MBD2: variants seen among roughly 807,000 people sequenced by gnomAD.
The protein encoded by MBD2 is methyl-CpG-binding domain protein 2.
MBD2 carries 9 observed loss-of-function variants against 39.3 expected under a neutral mutation model. The observed-to-expected ratio is 0.23, with a 90% CI of 0.14 to 0.40. The LOEUF (loss-of-function observed/expected upper bound fraction) is 0.40, where lower values mean the gene tolerates loss of function less well. MBD2 is among the 10% of genes least tolerant of loss of function. The pLI, the probability that MBD2 is intolerant of heterozygous loss-of-function variation, is 1.00. For synonymous variants in MBD2, 233 were observed against 211.1 expected (o/e 1.10, Z -0.90); for missense variants, 458 against 532.6 (o/e 0.86, Z 1.38).
At chr18:54,159,419 C>A (rs935765916) in intron 6 of MBD2, among the ~76,000 whole-genome samples, 1 of 151,450 alleles carries the variant, frequency 6.6e-6, no homozygotes, top group African/African-American at 2.4e-5. Context: ...TACAGCGACA[C>A]CTTTTTTTTT....
chr18:54,216,386 G>C (rs903240619), intron 1 of MBD2, among the ~76,000 whole-genome samples: 1 of 152,206 alleles, frequency 6.6e-6, no homozygotes, highest in Non-Finnish European at 1.5e-5. Context: ...TGGATTAATA[G>C]AGAAATGTAT....
Position 54,154,218 on chromosome 18 carries a change from G to A in MBD2, c.*1106C>T, listed in dbSNP as rs151060565. The A allele has an allele frequency of 7.9e-4, 121 of 152,230 alleles. No individual in the cohort carries two copies. The highest frequency in any genetic ancestry group is 1.5e-3 in the African/African-American group (63 of 41,536). The allele number at this position is 152,230 out of a possible 1,614,324, so 9.4% of individuals were successfully genotyped here. On this transcript the variant is annotated 3_prime_UTR_variant, in exon 7 of 7. Transcript: ENST00000256429. ...TAAGTATGTTTTGATTTTAGAAATC[G>A]TTTAATAATGTAATGCTAGTTTTCA... is the stretch of plus-strand genomic sequence containing the variant.
chr18:54,165,612 C>T (rs1568078938), intron 4 of MBD2, among the ~76,000 whole-genome samples: 1 of 152,172 alleles, frequency 6.6e-6, no homozygotes, highest in Non-Finnish European at 1.5e-5. Flanking sequence ...GACCAAAGTG[C>T]ATCTGTTCCC....
chr18:54,157,402 A>G (rs1172710835), intron 6 of MBD2, among the ~76,000 whole-genome samples: 1 of 152,040 alleles, frequency 6.6e-6, no homozygotes, highest in Non-Finnish European at 1.5e-5. Context: ...TTGGGATTAC[A>G]GGTGCCCGCC....
At chr18:54,167,013 A>C (rs2086138483) in intron 3 of MBD2, among the ~76,000 whole-genome samples, 1 of 152,170 alleles carries the variant, frequency 6.6e-6, no homozygotes, top group Non-Finnish European at 1.5e-5. Context: ...CACCCTGCAG[A>C]TGTGACAGTC....
chr18:54,161,877 C>CAA (rs35696367), intron 5 of MBD2, among the ~76,000 whole-genome samples: 151,377 of 152,268 alleles, frequency 0.99, 75,246 homozygotes, highest in Middle Eastern at 1. Context: ...TTGAGTCAAT[C>CAA]GAGAGAGATT....
chr18:54,183,139 G>A (rs566409329), intron 3 of MBD2, among the ~76,000 whole-genome samples: 6 of 152,288 alleles, frequency 3.9e-5, no homozygotes, highest in Admixed American at 3.3e-4. Flanking sequence ...CTTTCACTGA[G>A]ATAAAGCACA....
At chr18:54,183,171 T>C (rs1049115256) in intron 3 of MBD2, among the ~76,000 whole-genome samples, 6 of 152,150 alleles carry the variant, frequency 3.9e-5, no homozygotes, top group Non-Finnish European at 8.8e-5. Context: ...GCAGATTTGA[T>C]TGGATGACAA....
At chr18:54,217,956 A>G (rs1359100658) in intron 1 of MBD2, among the ~76,000 whole-genome samples, 1 of 152,234 alleles carries the variant, frequency 6.6e-6, no homozygotes, top group Non-Finnish European at 1.5e-5. Flanking sequence ...TAAGGAAGAT[A>G]TATCAGAGCA....
At chr18:54,186,633 G>A (rs1042391336) in intron 3 of MBD2, among the ~76,000 whole-genome samples, 1 of 152,082 alleles carries the variant, frequency 6.6e-6, no homozygotes, top group Non-Finnish European at 1.5e-5. Flanking sequence ...TGAGACAGTG[G>A]TCAAATATTA....
At chr18:54,200,089 G>A (rs1320631995) in intron 2 of MBD2, among the ~76,000 whole-genome samples, 1 of 152,158 alleles carries the variant, frequency 6.6e-6, no homozygotes, top group Non-Finnish European at 1.5e-5. Flanking sequence ...GATCATTCAT[G>A]AGAAATAAAT....
intron 3 of MBD2, among the ~76,000 whole-genome samples, chr18:54,166,494 G>A (rs1256608496): frequency 6.6e-6 from 1 of 152,048 alleles, no homozygotes; most frequent in Non-Finnish European, 1.5e-5. Flanking sequence ...GATTCACCTG[G>A]CATGAAATTT....
chr18:54,190,189 T>G (rs746960124), intron 2 of MBD2, among the ~76,000 whole-genome samples: 1 of 152,178 alleles, frequency 6.6e-6, no homozygotes, highest in Non-Finnish European at 1.5e-5. Flanking sequence ...GTTCCTTATT[T>G]TTAATATACA....
intron 3 of MBD2, among the ~76,000 whole-genome samples, chr18:54,183,758 C>G (rs1420247720): frequency 6.6e-6 from 1 of 152,066 alleles, no homozygotes; most frequent in South Asian, 2.1e-4. Flanking sequence ...AAAAGGGGAG[C>G]AGTGAAGTGG....
chr18:54,199,883 TATC>T (rs1249902974), intron 2 of MBD2, among the ~76,000 whole-genome samples: 1 of 152,144 alleles, frequency 6.6e-6, no homozygotes, highest in Non-Finnish European at 1.5e-5. Context: ...ATCTGATTCT[TATC>T]ATCACTACTA....
intron 2 of MBD2, among the ~76,000 whole-genome samples, chr18:54,189,223 CTTTT>C (rs369129707): frequency 2.2e-5 from 3 of 133,940 alleles, no homozygotes; most frequent in African/African-American, 8.3e-5. Context: ...TTTTTGTATA[CTTTT>C]TTTTTTTTTT....
chr18:54,153,968 C>G lies in MBD2; in HGVS notation c.*1356G>C, dbSNP rs2086037171. On this transcript the variant is annotated 3_prime_UTR_variant, in exon 7 of 7. Coordinates refer to ENST00000256429, the MANE Select transcript of MBD2 (RefSeq NM_003927.5). ...ATATTGCTTTGACTATTCCCCTCTT[C>G]TTCCCTGCCTTGGAAACTGGAGGTA... is the stretch of plus-strand genomic sequence containing the variant. 6.6e-6 allele frequency: 1 copy of G among 152,280 alleles called. No individual in the cohort carries two copies. Among genetic ancestry groups the G allele is most frequent in the Admixed American group, 6.5e-5 (1 of 15,288 alleles). 9.4% of individuals were successfully genotyped at this position (152,280 alleles called of 1,614,324 possible).
chr18:54,221,747 C>T (rs1011828255), intron 1 of MBD2, among the ~76,000 whole-genome samples: 25 of 152,174 alleles, frequency 1.6e-4, no homozygotes, highest in African/African-American at 5.3e-4. Flanking sequence ...CCAGCCTGGG[C>T]GACAGAGCTA....
At chr18:54,204,932 T>C (rs2144331016) in intron 2 of MBD2, 66 bp downstream of exon 2, 1 of 1,493,848 alleles carries the variant, frequency 6.7e-7, no homozygotes, top group East Asian at 2.3e-5. Context: ...CACTTAATTA[T>C]GATGTGAGAT....
Sources: allele counts gnomAD v4.1 joint callset (sites outside exome capture counted in the v4.1 genomes callset), GRCh38; gene constraint gnomAD v4.1.1; transcripts MANE v1.5; gene names NCBI Gene and HGNC (gene_info 2026-07-23, HGNC 2026-07-21).